Variants in AGT observed in about 807,000 individuals in gnomAD.
AGT encodes angiotensinogen.
Under a neutral mutation model 28.1 loss-of-function variants are expected in AGT, and 26 were observed. The ratio of observed to expected loss-of-function variants is 0.92; its 90% CI spans 0.68 to 1.28. AGT has a LOEUF of 1.28. Ranked by LOEUF, AGT falls within the 50% of genes most tolerant of loss-of-function variation. The pLI is 0.00. For synonymous variants in AGT, 259 were observed against 259.6 expected (o/e 1.00, Z 0.02); for missense variants, 596 against 592.3 (o/e 1.01, Z -0.06).
upstream of AGT, among the ~76,000 whole-genome samples, chr1:230,715,173 T>C (rs1336397752): frequency 1.3e-5 from 2 of 152,204 alleles, no homozygotes; most frequent in African/African-American, 4.8e-5. Flanking sequence ...GCAGAAGCTG[T>C]ACATTCACTG....
rs773186363 is a variant in AGT, at chr1:230,710,834, G to C, written c.-11C>G. ...ACCGGCAGGAGCCATCTCAGACTGG[G>C]GTGCTCGCTTCCGCATACCCTGAAA... On this transcript the variant is annotated 5_prime_UTR_variant, in exon 2 of 5. Transcript: ENST00000366667. 1 of 1,613,640 alleles carries C rather than the reference G, an allele frequency of 6.2e-7. No homozygotes were observed. The highest frequency in any genetic ancestry group is 1.7e-5 in the Admixed American group (1 of 60,022).
chr1:230,732,111 A>G (rs1051014645), intron 1 of AGT, among the ~76,000 whole-genome samples: 1 of 152,086 alleles, frequency 6.6e-6, no homozygotes, highest in African/African-American at 2.4e-5. Flanking sequence ...CCATGAAATT[A>G]TATTACTTAT....
intron 1 of AGT, among the ~76,000 whole-genome samples, chr1:230,743,290 C>T (rs115511291): frequency 0.017 from 2,578 of 152,296 alleles, 18 homozygotes; most frequent in African/African-American, 0.034. Flanking sequence ...TGCACGCAGT[C>T]GTCTTACTCT....
rs78844596 is a variant in AGT, at chr1:230,712,734, T to C, written c.-31+1352A>G. Among the ~76,000 whole-genome samples, 322 of 152,320 alleles carry C rather than the reference T, an allele frequency of 2.1e-3. 11 individuals carry two copies. In the East Asian group the frequency reaches 0.055, roughly 26 times the overall value. ...CATGGGCCATTTTTGAGGCAGAGAC[T>C]GTCGTTTGTTCTCAGTTGTGATCTG... On this transcript the variant is annotated intron_variant, in intron 1 of 4. Transcript: ENST00000366667.
intron 4 of AGT, 135 bp from the exon 5 acceptor site, chr1:230,703,464 C>T (rs1438975530): frequency 2.6e-5 from 23 of 896,620 alleles, no homozygotes; most frequent in Non-Finnish European, 3.9e-5. Flanking sequence ...TCCAGCCTGC[C>T]AGGAGGATGC....
At chr1:230,714,810 A>T (rs575150957), upstream of AGT, among the ~76,000 whole-genome samples, 1 of 152,248 alleles carries the variant, frequency 6.6e-6, no homozygotes, top group Non-Finnish European at 1.5e-5. Context: ...TTTATGCTGT[A>T]CAAATTGCAA....
chr1:230,712,564 G>A (rs1663624826), intron 1 of AGT, among the ~76,000 whole-genome samples: 2 of 152,182 alleles, frequency 1.3e-5, no homozygotes, highest in South Asian at 2.1e-4. Flanking sequence ...CATCAAATCA[G>A]GTCAACAGGG....
At chr1:230,742,549 T>C (rs1237187974) in intron 1 of AGT, among the ~76,000 whole-genome samples, 1 of 152,190 alleles carries the variant, frequency 6.6e-6, no homozygotes, top group African/African-American at 2.4e-5. Flanking sequence ...ACTCCTGACC[T>C]CATGATCCGC....
At chr1:230,718,768 C>G (rs1354366619), upstream of AGT, among the ~76,000 whole-genome samples, 1 of 146,604 alleles carries the variant, frequency 6.8e-6, no homozygotes, top group Admixed American at 7.0e-5. Context: ...CTTTGTCACC[C>G]AGGCTGGAGT....
At chr1:230,713,781 T>C (rs1663662226) in intron 1 of AGT, among the ~76,000 whole-genome samples, 1 of 152,140 alleles carries the variant, frequency 6.6e-6, no homozygotes, top group African/African-American at 2.4e-5. Context: ...CCCGGTGGAC[T>C]CTTGGCCATG....
At chr1:230,707,761 C>T (rs1392523602) in intron 2 of AGT, among the ~76,000 whole-genome samples, 1 of 152,204 alleles carries the variant, frequency 6.6e-6, no homozygotes, top group African/African-American at 2.4e-5. Context: ...CCAAAAGACG[C>T]TGGGATTTGA....
At chr1:230,732,623 TA>T (rs1179985303) in intron 1 of AGT, among the ~76,000 whole-genome samples, 2 of 152,256 alleles carry the variant, frequency 1.3e-5, no homozygotes. Context: ...TCGTAGGTAT[TA>T]AATACTGTGT....
chr1:230,703,294 A>G lies in AGT; in HGVS notation c.1278T>C (p.Asp426=), dbSNP rs1663284119. Residue 426 remains aspartate (D), a synonymous_variant, in exon 5 of 5, where the codon GAT becomes GAC. Transcript: ENST00000366667. The stretch of plus-strand genomic sequence containing the variant: ...GGGTAGACTCTGTGGGCTCTCTCTC[A>G]TCCGCTTCAAGCTCAAAAAAAATGC... ...LNSIFFELEA[D]EREPTESTQQ... is the part of the protein sequence containing the mutation. 1 of 1,614,148 alleles carries G rather than the reference A, an allele frequency of 6.2e-7. No individual in the cohort carries two copies. The highest frequency in any genetic ancestry group is 1.7e-5 in the Admixed American group (1 of 60,024).
chr1:230,713,140 C>G (rs1432859415), intron 1 of AGT, among the ~76,000 whole-genome samples: 1 of 152,184 alleles, frequency 6.6e-6, no homozygotes, highest in Non-Finnish European at 1.5e-5. Context: ...TCCTTATAAC[C>G]CTCTGTACCA....
intron 1 of AGT, among the ~76,000 whole-genome samples, chr1:230,742,398 C>T (rs1162755547): frequency 6.6e-6 from 1 of 152,198 alleles, no homozygotes; most frequent in Non-Finnish European, 1.5e-5. Context: ...TCACTGCAAC[C>T]TCCACCTCCC....
chr1:230,712,109 AG>A (rs1261351321), intron 1 of AGT, among the ~76,000 whole-genome samples: 1 of 152,160 alleles, frequency 6.6e-6, no homozygotes, highest in Non-Finnish European at 1.5e-5. Flanking sequence ...TTTCTTGTGG[AG>A]GGGGGTGTAC....
At chr1:230,734,067 C>G (rs530757730) in intron 1 of AGT, among the ~76,000 whole-genome samples, 1 of 152,182 alleles carries the variant, frequency 6.6e-6, no homozygotes, top group African/African-American at 2.4e-5. Context: ...TTAACAAGTG[C>G]GGGTCCCTGG....
At chr1:230,729,107 A>G (rs1375954967) in intron 1 of AGT, among the ~76,000 whole-genome samples, 2 of 152,168 alleles carry the variant, frequency 1.3e-5, no homozygotes, top group East Asian at 3.8e-4. Context: ...CTCTCCCCTG[A>G]CCCAGAAAGC....
chr1:230,738,105 G>A (rs1471897919), intron 1 of AGT, among the ~76,000 whole-genome samples: 1 of 152,226 alleles, frequency 6.6e-6, no homozygotes, highest in African/African-American at 2.4e-5. Context: ...ATCAGCTGAT[G>A]GACAATTAGT....
Sources: gnomAD v4.1 joint callset for allele counts (sites outside exome capture counted in the v4.1 genomes callset) on GRCh38, gnomAD v4.1.1 for gene constraint, MANE v1.5 for transcripts, NCBI Gene and HGNC (gene_info 2026-07-23, HGNC 2026-07-21) for gene names.